Variants in LOC112694756 observed in about 807,000 individuals in gnomAD.
At chr16:30,056,112 T>G in the LOC112694756 span, among the ~76,000 whole-genome samples, 1 of 146,110 alleles carries the variant, frequency 6.8e-6, no homozygotes, top group Non-Finnish European at 1.5e-5. Context: ...ATGGTTTTTT[T>G]TTTTTTTTTT....
the LOC112694756 span, among the ~76,000 whole-genome samples, chr16:30,062,856 A>G: frequency 6.6e-6 from 1 of 151,836 alleles, no homozygotes; most frequent in Non-Finnish European, 1.5e-5. Flanking sequence ...AAAAAAAAAA[A>G]AAATGGCCGG....
At chr16:30,054,663 G>A in the LOC112694756 span, 3 of 397,140 alleles carry the variant, frequency 7.6e-6, no homozygotes, top group Non-Finnish European at 4.4e-6. Flanking sequence ...TCCTGTTGAC[G>A]CTCTCCCCAC....
chr16:30,056,911 CT>C, the LOC112694756 span, among the ~76,000 whole-genome samples: 291 of 137,564 alleles, frequency 2.1e-3, no homozygotes, highest in South Asian at 0.015. Flanking sequence ...TCTACTTGCC[CT>C]TTTTTTTTTT....
the LOC112694756 span, chr16:30,069,123 G>T: frequency 8.8e-5 from 124 of 1,409,900 alleles, no homozygotes; most frequent in East Asian, 2.5e-3. Flanking sequence ...GCTGTTGAAG[G>T]CAGAGGGGCC....
At chr16:30,063,897 C>T in the LOC112694756 span, 6 of 398,990 alleles carry the variant, frequency 1.5e-5, no homozygotes, top group Non-Finnish European at 2.7e-5. Flanking sequence ...CCCATGTGCC[C>T]TCCTCCCTGA....
the LOC112694756 span, chr16:30,054,881 A>G: frequency 2.5e-6 from 1 of 398,424 alleles, no homozygotes. Context: ...GTGGGCATCT[A>G]TTTGTTGCTG....
the LOC112694756 span, chr16:30,068,506 G>A: frequency 1.1e-6 from 1 of 938,516 alleles, no homozygotes; most frequent in Non-Finnish European, 1.7e-6. Flanking sequence ...AGGAGGCTGA[G>A]GCGGGAGGAT....
the LOC112694756 span, chr16:30,068,431 G>A: frequency 1.6e-6 from 1 of 641,156 alleles, no homozygotes; most frequent in East Asian, 2.8e-5. Context: ...CAGTTTAAGG[G>A]ATTAAGTAAA....
the LOC112694756 span, chr16:30,069,101 G>A: frequency 6.7e-7 from 1 of 1,487,016 alleles, no homozygotes; most frequent in Non-Finnish European, 9.3e-7. Flanking sequence ...GGCCCGTGGA[G>A]GACACTCAAG....
At chr16:30,070,341 G>A in the LOC112694756 span, 1 of 835,446 alleles carries the variant, frequency 1.2e-6, no homozygotes, top group Non-Finnish European at 2.0e-6. Flanking sequence ...ACAGTGGTGT[G>A]TGGTGTCGTC....
At chr16:30,055,899 A>C in the LOC112694756 span, among the ~76,000 whole-genome samples, 1 of 152,096 alleles carries the variant, frequency 6.6e-6, no homozygotes, top group African/African-American at 2.4e-5. Context: ...TCCCAGGCTC[A>C]AGTGATTCTC....
At chr16:30,066,938 C>A in the LOC112694756 span, 1 of 1,550,994 alleles carries the variant, frequency 6.4e-7, no homozygotes, top group Non-Finnish European at 8.7e-7. Context: ...TTCAACATGA[C>A]CCACCTGTCC....
At chr16:30,056,951 C>T in the LOC112694756 span, among the ~76,000 whole-genome samples, 8 of 146,312 alleles carry the variant, frequency 5.5e-5, no homozygotes, top group Admixed American at 4.9e-4. Context: ...GCTCTTGTCA[C>T]CCAGGCTGGA....
the LOC112694756 span, among the ~76,000 whole-genome samples, chr16:30,058,369 G>A: frequency 2.6e-5 from 4 of 152,164 alleles, no homozygotes; most frequent in Admixed American, 6.5e-5. Context: ...TGAGGCTTAC[G>A]GAGGTTGGAG....
the LOC112694756 span, chr16:30,069,975 C>G: frequency 1.2e-6 from 2 of 1,613,818 alleles, no homozygotes; most frequent in Non-Finnish European, 1.7e-6. Context: ...AGGCCTGGGG[C>G]GGGAAGAAGG....
At chr16:30,064,697 G>A in the LOC112694756 span, 2 of 382,700 alleles carry the variant, frequency 5.2e-6, no homozygotes, top group Non-Finnish European at 9.2e-6. Flanking sequence ...CATGTGGGGC[G>A]GGCAGGAGCT....
chr16:30,054,662 C>A, the LOC112694756 span: 2 of 397,474 alleles, frequency 5.0e-6, no homozygotes, highest in African/African-American at 4.1e-5. Context: ...GTCCTGTTGA[C>A]GCTCTCCCCA....
chr16:30,069,573 G>C, the LOC112694756 span: 2 of 1,614,098 alleles, frequency 1.2e-6, no homozygotes, highest in South Asian at 2.2e-5. Flanking sequence ...AGCCCAACAT[G>C]GTCACCCCAG....
At chr16:30,069,433 G>C in the LOC112694756 span, 1 of 1,614,004 alleles carries the variant, frequency 6.2e-7, no homozygotes, top group African/African-American at 1.3e-5. Flanking sequence ...GCTGGCCGGG[G>C]ACCCTGGGGC....
Sources: gnomAD v4.1 joint callset for allele counts (sites outside exome capture counted in the v4.1 genomes callset) on GRCh38, gnomAD v4.1.1 for gene constraint, MANE v1.5 for transcripts.